ENOX2: variants seen among roughly 807,000 people sequenced by gnomAD.
The protein encoded by ENOX2 is ecto-NOX disulfide-thiol exchanger 2.
A neutral mutation model predicts 45.0 loss-of-function variants in ENOX2; 36 were observed. The ratio of observed to expected loss-of-function variants is 0.80; its 90% CI spans 0.61 to 1.06. The LOEUF (loss-of-function observed/expected upper bound fraction) is 1.06. Ranked by LOEUF, ENOX2 falls within the 50% of genes least tolerant of loss-of-function variation. The pLI is 0.00. For synonymous variants in ENOX2, 174 were observed against 152.3 expected (o/e 1.14, Z -1.05); for missense variants, 423 against 462.5 (o/e 0.91, Z 0.78).
chrX:130,804,588 A>G (rs2077270321), intron 2 of ENOX2, among the ~76,000 whole-genome samples: 1 of 111,515 alleles, frequency 9.0e-6, no homozygotes, highest in South Asian at 3.8e-4. Context: ...GTTTTTCTTT[A>G]AAACTTTCTT....
At chrX:130,823,326 G>A (rs371969329) in intron 2 of ENOX2, among the ~76,000 whole-genome samples, 1 of 111,822 alleles carries the variant, frequency 8.9e-6, no homozygotes, top group African/African-American at 3.3e-5. Context: ...GCAGACCTTA[G>A]GGGATAGGAT....
intron 2 of ENOX2, among the ~76,000 whole-genome samples, chrX:130,888,952 G>C (rs1277678148): frequency 9.0e-6 from 1 of 111,401 alleles, no homozygotes; most frequent in Non-Finnish European, 1.9e-5. Context: ...ATCTCCTTTT[G>C]TTCAAGCTTT....
intron 2 of ENOX2, among the ~76,000 whole-genome samples, chrX:130,785,298 C>T (rs2076952242): frequency 9.7e-6 from 1 of 102,598 alleles, no homozygotes; most frequent in Admixed American, 1.1e-4. Flanking sequence ...GCACTCCAGC[C>T]TGGGCAACAA....
intron 7 of ENOX2, among the ~76,000 whole-genome samples, chrX:130,668,978 C>G (rs1430984791): frequency 8.9e-6 from 1 of 112,082 alleles, no homozygotes; most frequent in Non-Finnish European, 1.9e-5. Context: ...TATTTCTGTG[C>G]CTCTATTCTG....
intron 3 of ENOX2, among the ~76,000 whole-genome samples, chrX:130,740,199 G>A: frequency 9.0e-6 from 1 of 111,718 alleles, no homozygotes; most frequent in Admixed American, 9.5e-5. Flanking sequence ...CCAGGAGTTT[G>A]AAACCAGCCT....
intron 3 of ENOX2, among the ~76,000 whole-genome samples, chrX:130,750,012 C>G (rs2039180151): frequency 9.1e-6 from 1 of 110,478 alleles, no homozygotes; most frequent in Non-Finnish European, 1.9e-5. Context: ...GTTGCTCAGT[C>G]AGTGTCTTTC....
At chrX:130,799,175 G>A (rs944077106) in intron 2 of ENOX2, among the ~76,000 whole-genome samples, 3 of 111,633 alleles carry the variant, frequency 2.7e-5, no homozygotes, top group African/African-American at 9.8e-5. Flanking sequence ...AATTAAGCAG[G>A]CAAAAGAACA....
chrX:130,846,407 G>A (rs1262537305), intron 2 of ENOX2, among the ~76,000 whole-genome samples: 2 of 108,076 alleles, frequency 1.9e-5, no homozygotes, highest in Non-Finnish European at 3.8e-5. Flanking sequence ...GCATGATCTC[G>A]GCTCACCGCA....
chrX:130,726,853 T>G (rs1297434382), intron 3 of ENOX2, among the ~76,000 whole-genome samples: 1 of 112,269 alleles, frequency 8.9e-6, no homozygotes, highest in Non-Finnish European at 1.9e-5. Flanking sequence ...GGGATAGAGA[T>G]CTTTTGTCAT....
chrX:130,669,441 G>A (rs2036920561), intron 7 of ENOX2, among the ~76,000 whole-genome samples: 2 of 112,036 alleles, frequency 1.8e-5, no homozygotes, highest in African/African-American at 6.5e-5. Context: ...AAGTCTTTAT[G>A]TTTTAGTTGG....
chrX:130,853,155 T>C (rs1307267728), intron 2 of ENOX2, among the ~76,000 whole-genome samples: 1 of 107,241 alleles, frequency 9.3e-6, no homozygotes, highest in East Asian at 2.9e-4. Context: ...GAAATGCCAA[T>C]GGGCAGAGGG....
intron 3 of ENOX2, among the ~76,000 whole-genome samples, chrX:130,757,537 A>C (rs1400912673): frequency 9.0e-6 from 1 of 111,643 alleles, no homozygotes; most frequent in Non-Finnish European, 1.9e-5. Flanking sequence ...CATCAATTCA[A>C]AAATGGCCCT....
intron 14 of ENOX2, among the ~76,000 whole-genome samples, chrX:130,627,398 C>G: frequency 9.0e-6 from 1 of 110,921 alleles, no homozygotes; most frequent in Non-Finnish European, 1.9e-5. Flanking sequence ...CTGGGCAACA[C>G]GGCAAAACCC....
chrX:130,763,123 T>C (rs1426154887), intron 3 of ENOX2, among the ~76,000 whole-genome samples: 1 of 112,378 alleles, frequency 8.9e-6, no homozygotes, highest in African/African-American at 3.2e-5. Context: ...CTTTATCTTA[T>C]ATTAAAATAG....
In ENOX2 at chrX:130,679,594, G is replaced by A. The variant is rs769844586; in HGVS notation, c.408C>T (p.Cys136=). The change falls in exon 6 of 15, where the codon TGC becomes TGT. Residue 136 remains cysteine (C), a synonymous_variant. Coordinates refer to ENST00000394363, the MANE Select transcript of ENOX2 (RefSeq NM_006375.4). ...IAIRKSKKNF[C]HIRFAEEYMV... The stretch of plus-strand genomic sequence containing the variant: ...TGTACTCCTCAGCAAAGCGAATGTG[G>A]CAGAAGTTCTTCTTGCTCTTGCGAA... 238 of 1,209,330 alleles carry A rather than the reference G, an allele frequency of 2.0e-4. 1 individual carries two copies. The South Asian group carries it at 4.1e-3, about 21-fold the overall frequency.
At chrX:130,678,004 T>A (rs2037199320) in intron 6 of ENOX2, among the ~76,000 whole-genome samples, 1 of 108,954 alleles carries the variant, frequency 9.2e-6, no homozygotes, top group African/African-American at 3.4e-5. Context: ...GGAGAATTGC[T>A]TGAACCCAGG....
intron 3 of ENOX2, among the ~76,000 whole-genome samples, chrX:130,750,197 G>C (rs945802585): frequency 9.0e-6 from 1 of 111,407 alleles, no homozygotes; most frequent in Non-Finnish European, 1.9e-5. Context: ...CTTTTGGTTG[G>C]TCTGCCTGGT....
intron 10 of ENOX2, chrX:130,646,300 G>A: frequency 2.9e-6 from 1 of 344,775 alleles, no homozygotes; most frequent in Admixed American, 3.6e-5. Flanking sequence ...CTCCTACTGA[G>A]AAAGCCTGCC....
intron 2 of ENOX2, among the ~76,000 whole-genome samples, chrX:130,898,025 T>G (rs1414079479): frequency 9.1e-6 from 1 of 110,317 alleles, no homozygotes; most frequent in African/African-American, 3.3e-5. Context: ...TTTTTTTTTT[T>G]GAGACAGAGT....
Sources: gnomAD v4.1 joint callset for allele counts (sites outside exome capture counted in the v4.1 genomes callset) on GRCh38, gnomAD v4.1.1 for gene constraint, MANE v1.5 for transcripts, NCBI Gene and HGNC (gene_info 2026-07-23, HGNC 2026-07-21) for gene names.